CENPC: variants seen among roughly 807,000 people sequenced by gnomAD.
CENPC encodes the protein centromere protein C, also known as CENP-C 1.
Under a neutral mutation model 112.1 loss-of-function variants are expected in CENPC, and 63 were observed. The ratio of observed to expected loss-of-function variants is 0.56; its 90% CI spans 0.46 to 0.69. CENPC has a LOEUF of 0.69. Among genes scored for constraint, CENPC ranks in the 30% least tolerant of loss-of-function variants. The pLI, the probability that CENPC is intolerant of heterozygous loss-of-function variation, is 0.00. For synonymous variants in CENPC, 333 were observed against 367.6 expected (o/e 0.91, Z 1.08); for missense variants, 1,000 against 1,103.8 (o/e 0.91, Z 1.33).
chr4:67,490,881 A>AATAT (rs1425175592), intron 16 of CENPC, among the ~76,000 whole-genome samples: 2 of 4,040 alleles, frequency 5.0e-4, no homozygotes, highest in African/African-American at 9.0e-4. Flanking sequence ...TATATATAGA[A>AATAT]ATATATAGAA....
At chr4:67,510,825 T>C (rs1725873586) in intron 9 of CENPC, 2 of 342,340 alleles carry the variant, frequency 5.8e-6, no homozygotes, top group Non-Finnish European at 1.1e-5. Flanking sequence ...GATGAGAGTT[T>C]AGACTATATG....
chr4:67,522,608 G>C (rs1052521592), intron 5 of CENPC, among the ~76,000 whole-genome samples: 11 of 152,122 alleles, frequency 7.2e-5, no homozygotes, highest in Admixed American at 5.9e-4. Flanking sequence ...ACCTAATCAT[G>C]GAAATCACAT....
At chr4:67,513,968 G>T (rs1725971685) in intron 8 of CENPC, 106 bp downstream of exon 8, 1 of 1,058,526 alleles carries the variant, frequency 9.4e-7, no homozygotes, top group African/African-American at 1.6e-5. Flanking sequence ...CAGGCTCTTT[G>T]TTCATTTAGG....
intron 12 of CENPC, among the ~76,000 whole-genome samples, chr4:67,503,987 T>C (rs530839709): frequency 1.3e-5 from 2 of 151,638 alleles, no homozygotes; most frequent in South Asian, 4.2e-4. Flanking sequence ...GCTTATGGGA[T>C]TGGAGCTGAT....
chr4:67,469,967 A>C lies in CENPC; in HGVS notation c.*2638T>G, dbSNP rs1357061409. ...TCTGCAACTTGTATCTGTGACATCT[A>C]ATGTGGTAGCCACCAGTACCATGTG... On this transcript the variant is annotated 3_prime_UTR_variant, in exon 19 of 19. Coordinates refer to ENST00000273853, the MANE Select transcript of CENPC (RefSeq NM_001812.4). The C allele has an allele frequency of 6.6e-6, 1 of 152,216 alleles. No homozygotes were observed. Among genetic ancestry groups the C allele is most frequent in the Non-Finnish European group, 1.5e-5 (1 of 68,032 alleles). The allele number at this position is 152,216 out of a possible 1,614,324, so 9.4% of individuals were successfully genotyped here.
chr4:67,535,143 G>GA (rs1726679076), intron 4 of CENPC, among the ~76,000 whole-genome samples: 1 of 151,854 alleles, frequency 6.6e-6, no homozygotes, highest in Non-Finnish European at 1.5e-5. Context: ...GGCTTGATAT[G>GA]AAAAAATATA....
intron 10 of CENPC, among the ~76,000 whole-genome samples, chr4:67,508,363 A>G (rs964220309): frequency 3.9e-5 from 6 of 151,974 alleles, no homozygotes; most frequent in Non-Finnish European, 5.9e-5. Context: ...AAATTAAAAA[A>G]TTAGCCAGGT....
intron 16 of CENPC, among the ~76,000 whole-genome samples, chr4:67,491,509 A>AGAGAGAGG (rs1553893229): frequency 1.7e-4 from 24 of 137,986 alleles, no homozygotes; most frequent in Non-Finnish European, 3.3e-4. Flanking sequence ...AGAGAGAGAG[A>AGAGAGAGG]GAGAGAGAGA....
Position 67,505,213 on chromosome 4 carries a change from C to A in CENPC, c.2123G>T (p.Gly708Val). ...KNDVDDEEVH[G>V]SSDDSKQSKV... ...AAAAAACAATAGTTTACCTGAACTT[C>A]CATGAACTTCCTCATCATCCACATC... Residue 708 changes from glycine to valine, a missense_variant, in exon 12 of 19, where the codon GGA becomes GTA. Gly to Val is a moderately radical substitution (Grantham distance 109, BLOSUM62 -3). Coordinates refer to ENST00000273853, the MANE Select transcript of CENPC (RefSeq NM_001812.4). 6.3e-7 allele frequency: 1 copy of A among 1,576,672 alleles called. No individual in the cohort carries two copies. Among genetic ancestry groups the A allele is most frequent in the Non-Finnish European group, 8.6e-7 (1 of 1,160,094 alleles).
rs374814920 is a variant in CENPC at position 67,509,054 on chromosome 4, T to C, written c.1664A>G (p.Asn555Ser). The C allele has an allele frequency of 1.0e-4, 167 of 1,611,250 alleles. No individual in the cohort carries two copies. The highest frequency in any genetic ancestry group is 1.3e-4 in the Non-Finnish European group (156 of 1,179,224). ...SVRNELPMHH[N>S]SSRKSTKKTN... is the part of the protein sequence containing the mutation. ...TTTCTTAGTAGATTTTCGGCTACTA[T>C]TGTGATGCATTGGTAATTCATTTCT... The change falls in exon 10 of 19, where the codon AAT becomes AGT. Residue 555 changes from asparagine to serine, a missense_variant. Physicochemically the swap from Asn to Ser is conservative, Grantham distance 46. Transcript: ENST00000273853.
chr4:67,522,808 T>C (rs1726264839), intron 5 of CENPC, among the ~76,000 whole-genome samples: 1 of 152,046 alleles, frequency 6.6e-6, no homozygotes, highest in South Asian at 2.1e-4. Flanking sequence ...CAGATGAGCC[T>C]GGCCAACATG....
intron 5 of CENPC, among the ~76,000 whole-genome samples, chr4:67,527,410 T>C (rs1239087614): frequency 6.6e-6 from 1 of 151,470 alleles, no homozygotes; most frequent in Non-Finnish European, 1.5e-5. Context: ...AAAACATCTA[T>C]TAAAAACTTA....
intron 11 of CENPC, among the ~76,000 whole-genome samples, 172 bp from the exon 12 acceptor site, chr4:67,505,456 A>G (rs41278559): frequency 0.017 from 2,660 of 152,224 alleles, 38 homozygotes; most frequent in South Asian, 0.031. Context: ...TTTGTGGGGG[A>G]TTGATTCCAG....
At position 67,472,682 on chromosome 4, in the gene CENPC, G is replaced by C; in HGVS notation, c.2762-7C>G. On this transcript the variant is annotated splice_polypyrimidine_tract_variant and splice_region_variant and intron_variant, in intron 18 of 18. Coordinates refer to ENST00000273853, the MANE Select transcript of CENPC (RefSeq NM_001812.4). Reference sequence around the variant, plus strand: ...TTGATGTTATAATAGTTACCTAAAAGTAAAGTGATAAGAAAATAAAAATTA... The same window carrying C: ...TTGATGTTATAATAGTTACCTAAAACTAAAGTGATAAGAAAATAAAAATTA... The C allele has an allele frequency of 6.7e-7, 1 of 1,496,358 alleles. No homozygotes were observed. The highest frequency in any genetic ancestry group is 8.9e-7 in the Non-Finnish European group (1 of 1,128,466). 92.7% of individuals were successfully genotyped at this position (1,496,358 alleles called of 1,614,324 possible). A position where few individuals can be genotyped will look rare whatever the true frequency, so the allele number is the denominator to read the frequency against.
At chr4:67,521,314 TAATC>T (rs1017287204) in intron 5 of CENPC, among the ~76,000 whole-genome samples, 5 of 151,622 alleles carry the variant, frequency 3.3e-5, no homozygotes, top group African/African-American at 1.2e-4. Context: ...AATGCTTTAA[TAATC>T]AATTACAAAT....
rs1421692008 is a variant in CENPC at position 67,539,919 on chromosome 4, A to C, written c.152T>G (p.Phe51Cys). 6.6e-7 allele frequency: 1 copy of C among 1,521,098 alleles called. No homozygotes were observed. The highest frequency in any genetic ancestry group is 2.5e-5 in the East Asian group (1 of 40,312). The allele number at this position is 1,521,098 out of a possible 1,614,324, so 94.2% of individuals were successfully genotyped here. ...CFEEKSLAND[F>C]STNSTKSVPN... ...CACTGATTTTGTAGAATTTGTACTA[A>C]AATCATTGGCAAGACCTAAAACAAA... is the stretch of plus-strand genomic sequence containing the variant. The change falls in exon 4 of 19, where the codon TTT becomes TGT. Residue 51 changes from phenylalanine (F) to cysteine (C), a missense_variant. By Grantham distance (205) the Phe-to-Cys change is radical. Transcript: ENST00000273853.
In CENPC at chr4:67,474,995, A is replaced by G; in HGVS notation, c.2671-17T>C. Reference sequence around the variant, plus strand: ...ATAAAAAACCTGTAAAAATAAAAATAAAAATCTCATTCAAAACTGAACCAT... The same window carrying G: ...ATAAAAAACCTGTAAAAATAAAAATGAAAATCTCATTCAAAACTGAACCAT... On this transcript the variant is annotated splice_polypyrimidine_tract_variant and intron_variant, in intron 17 of 18. Transcript: ENST00000273853. The G allele has an allele frequency of 7.3e-7, 1 of 1,372,638 alleles. No individual in the cohort carries two copies. Among genetic ancestry groups the G allele is most frequent in the Middle Eastern group, 1.8e-4 (1 of 5,558 alleles). The allele number at this position is 1,372,638 out of a possible 1,614,324, so 85.0% of individuals were successfully genotyped here.
At position 67,476,869 on chromosome 4, in the gene CENPC, G is replaced by C. The variant is rs76274944; in HGVS notation, c.2671-1891C>G. On this transcript the variant is annotated intron_variant, in intron 17 of 18. Transcript: ENST00000273853. ...GAGACTGGCCTAGCCTGGCTGCTTG[G>C]GAGCTGGGTGAGGCCAGTCTGCCAG... Among the ~76,000 whole-genome samples the C allele has an allele frequency of 1.9e-3, 284 of 152,242 alleles. 1 individual carries two copies. The highest frequency in any genetic ancestry group is 6.5e-3 in the African/African-American group (271 of 41,542).
Position 67,521,815 on chromosome 4 carries a change from C to T in CENPC, c.332-2313G>A, listed in dbSNP as rs529299378. Among the ~76,000 whole-genome samples, 17 of 152,298 alleles carry T rather than the reference C, an allele frequency of 1.1e-4. 1 individual carries two copies. In the South Asian group the frequency reaches 3.1e-3, roughly 28 times the overall value. On this transcript the variant is annotated intron_variant, in intron 5 of 18. Coordinates refer to ENST00000273853, the MANE Select transcript of CENPC (RefSeq NM_001812.4). ...TCTTAGAATGAAATTCTGACACATA[C>T]TACAACATGGATGAACCTTGAAGAC...
Sources: gnomAD v4.1 joint callset for allele counts (sites outside exome capture counted in the v4.1 genomes callset) on GRCh38, gnomAD v4.1.1 for gene constraint, MANE v1.5 for transcripts, NCBI Gene and HGNC (gene_info 2026-07-23, HGNC 2026-07-21) for gene names.